Variants in PRCC observed in about 807,000 individuals in gnomAD.
PRCC encodes the protein proline rich mitotic checkpoint control factor.
In PRCC, 10 loss-of-function variants were observed where a neutral mutation model predicts 44.0. That is an observed-to-expected ratio of 0.23 (90% CI 0.14 to 0.39). PRCC has a LOEUF of 0.39. PRCC is among the 10% of genes least tolerant of loss of function. The pLI, the probability that PRCC is intolerant of heterozygous loss-of-function variation, is 1.00. For missense variants in PRCC, 573 were observed against 624.7 expected, an observed-to-expected ratio of 0.92 and a Z score of 0.88; for synonymous variants, 278 against 259.5, an observed-to-expected ratio of 1.07 and a Z score of -0.69.
intron 1 of PRCC, among the ~76,000 whole-genome samples, chr1:156,777,676 A>C (rs1457887606): frequency 6.6e-6 from 1 of 152,258 alleles, no homozygotes; most frequent in Non-Finnish European, 1.5e-5. Context: ...GAGTAGGCAC[A>C]AATGAACCTG....
intron 6 of PRCC, among the ~76,000 whole-genome samples, chr1:156,797,835 GTATT>G (rs1179306353): frequency 6.6e-6 from 1 of 152,138 alleles, no homozygotes; most frequent in African/African-American, 2.4e-5. Flanking sequence ...ATATGTCTTG[GTATT>G]TATTTAATAT....
At chr1:156,797,934 G>A (rs1286600422) in intron 6 of PRCC, among the ~76,000 whole-genome samples, 4 of 152,202 alleles carry the variant, frequency 2.6e-5, no homozygotes, top group Middle Eastern at 3.4e-3. Context: ...AAAAATCTGC[G>A]TATAACATTT....
At chr1:156,773,539 C>G (rs748293578) in intron 1 of PRCC, among the ~76,000 whole-genome samples, 6 of 152,078 alleles carry the variant, frequency 3.9e-5, no homozygotes, top group African/African-American at 1.5e-4. Context: ...TATTGTGGCC[C>G]GGGACACTCT....
Position 156,787,013 on chromosome 1 carries a change from C to G in PRCC, c.922C>G (p.Pro308Ala). 1 of 1,614,234 alleles carries G rather than the reference C, an allele frequency of 6.2e-7. No homozygotes were observed. Among genetic ancestry groups the G allele is most frequent in the Non-Finnish European group, 8.5e-7 (1 of 1,180,046 alleles). ...TGAAGAGCTGCCTCCAGGCACGGAA[C>G]CAGAGCCGGCTTTCCAGGACGATGC... Reference protein sequence around the residue: ...VPEELPPGTEPEPAFQDDAAN... With the variant: ...VPEELPPGTEAEPAFQDDAAN... Residue 308 changes from proline to alanine, a missense_variant, in exon 3 of 7, where the codon CCA (proline) becomes GCA (alanine). By Grantham distance (27) the Pro-to-Ala change is conservative (BLOSUM62 -1). Around this residue, in one of 4 missense-constraint regions of PRCC, gnomAD observed 141 missense variants for 130.2 expected, o/e 1.08. Transcript: ENST00000271526.
At chr1:156,786,422 A>G (rs1008450997) in intron 2 of PRCC, among the ~76,000 whole-genome samples, 186 bp from the exon 3 acceptor site, 1 of 152,202 alleles carries the variant, frequency 6.6e-6, no homozygotes, top group African/African-American at 2.4e-5. Context: ...GCCCGCAGAA[A>G]GGCCTGAAGT....
intron 1 of PRCC, among the ~76,000 whole-genome samples, chr1:156,779,416 T>G (rs903902162): frequency 2.6e-5 from 4 of 151,794 alleles, no homozygotes; most frequent in African/African-American, 9.7e-5. Flanking sequence ...CAGGCTGGAG[T>G]GTAGTGGCGC....
In PRCC at chr1:156,786,973, C is replaced by T. The variant is rs141949615; in HGVS notation, c.882C>T (p.Pro294=). The change falls in exon 3 of 7, where the codon CCC becomes CCT. Residue 294 remains proline, a synonymous_variant. Transcript: ENST00000271526. ...CTGGAGTTGAGCCATACCCTTACCC[C>T]ATCCCCACTGTCCCTGAAGAGCTGC... ...EPPGVEPYPY[P]IPTVPEELPP... is the part of the protein sequence containing the mutation. The T allele has an allele frequency of 2.5e-6, 4 of 1,614,110 alleles. No individual in the cohort carries two copies. The highest frequency in any genetic ancestry group is 1.1e-5 in the South Asian group (1 of 91,094).
chr1:156,790,348 C>G (rs557343916), intron 3 of PRCC, among the ~76,000 whole-genome samples: 5 of 152,194 alleles, frequency 3.3e-5, no homozygotes, highest in African/African-American at 1.2e-4. Context: ...ATAGGCTGGG[C>G]GTGGTGGCTC....
At chr1:156,776,109 A>G (rs1383168020) in intron 1 of PRCC, among the ~76,000 whole-genome samples, 8 of 152,222 alleles carry the variant, frequency 5.3e-5, no homozygotes, top group African/African-American at 1.9e-4. Context: ...CAATCCCAAC[A>G]CTTTGGGAGG....
intron 4 of PRCC, among the ~76,000 whole-genome samples, chr1:156,792,691 G>A (rs1337555999): frequency 1.3e-5 from 2 of 152,154 alleles, no homozygotes; most frequent in African/African-American, 4.8e-5. Context: ...CTGGCCTCAA[G>A]TGATCAGCCC....
chr1:156,783,193 C>T lies in PRCC; in HGVS notation c.516+864C>T, dbSNP rs373028329. ...GTGCTGGGATTACAGGTGTGAGCCA[C>T]CGCGCCTGGCCAGTCTGACTGTTGA... On this transcript the variant is annotated intron_variant, in intron 2 of 6. Coordinates refer to ENST00000271526, the MANE Select transcript of PRCC (RefSeq NM_005973.5). Among the ~76,000 whole-genome samples, 53 of 152,292 alleles carry T rather than the reference C, an allele frequency of 3.5e-4. No individual in the cohort carries two copies. In the East Asian group the frequency reaches 8.1e-3, roughly 23 times the overall value.
At chr1:156,782,414 G>A in intron 2 of PRCC, 85 bp downstream of exon 2, 2 of 1,314,232 alleles carry the variant, frequency 1.5e-6, no homozygotes, top group Non-Finnish European at 2.1e-6. Flanking sequence ...GCAGTTTTCA[G>A]ATTAGGCTTA....
rs1262687240 is a variant in PRCC at position 156,791,745 on chromosome 1, C to T, written c.1132C>T (p.Pro378Ser). The T allele has an allele frequency of 6.2e-7, 1 of 1,613,796 alleles. No individual in the cohort carries two copies. The highest frequency in any genetic ancestry group is 1.1e-5 in the South Asian group (1 of 91,042). Reference sequence around the variant, plus strand: ...TCCTGCACAGGACCCGGCCCTGGTCCCCCCCCAGGAAATTGCCCCAGATGC... The same window carrying T: ...TCCTGCACAGGACCCGGCCCTGGTCTCCCCCCAGGAAATTGCCCCAGATGC... ...YYPAQDPALVPPQEIAPDASF... is the reference protein window; with the variant it reads ...YYPAQDPALVSPQEIAPDASF... Residue 378 changes from proline to serine, a missense_variant, in exon 4 of 7, where the codon CCC becomes TCC. Around this residue, in one of 4 missense-constraint regions of PRCC, gnomAD observed 141 missense variants for 130.2 expected, o/e 1.08. Transcript: ENST00000271526.
In PRCC at chr1:156,800,370, A is replaced by G. The variant is rs747037147; in HGVS notation, c.1390-4A>G. 6.2e-7 allele frequency: 1 copy of G among 1,613,846 alleles called. No individual in the cohort carries two copies. The highest frequency in any genetic ancestry group is 1.3e-5 in the African/African-American group (1 of 74,908). ...CCCTCCCCTACCCTTCTTCCTTGCC[A>G]CAGGCCAAGGAGCGGGAGCTGGAAC... is the stretch of plus-strand genomic sequence containing the variant. On this transcript the variant is annotated splice_region_variant and splice_polypyrimidine_tract_variant and intron_variant, in intron 6 of 6. Coordinates refer to ENST00000271526, the MANE Select transcript of PRCC (RefSeq NM_005973.5).
chr1:156,775,585 A>T (rs1651798807), intron 1 of PRCC, among the ~76,000 whole-genome samples: 1 of 149,654 alleles, frequency 6.7e-6, no homozygotes, highest in Non-Finnish European at 1.5e-5. Context: ...ATCTCAGCTC[A>T]CTGCAACCGC....
intron 5 of PRCC, 133 bp downstream of exon 5, chr1:156,794,941 A>G (rs1412896444): frequency 2.6e-6 from 3 of 1,162,334 alleles, no homozygotes; most frequent in African/African-American, 3.1e-5. Context: ...TGCCCATGGT[A>G]CTGGAGTATG....
At chr1:156,787,228 G>A (rs1236123718) in intron 3 of PRCC, 54 bp downstream of exon 3, 2 of 1,532,242 alleles carry the variant, frequency 1.3e-6, no homozygotes, top group African/African-American at 2.8e-5. Flanking sequence ...TGGTGGTCAA[G>A]GAGAGCTTTG....
Position 156,800,644 on chromosome 1 carries a change from T to G in PRCC, c.*184T>G, listed in dbSNP as rs1652804600. 5.0e-6 allele frequency: 3 copies of G among 605,782 alleles called. No individual in the cohort carries two copies. The South Asian group carries it at 6.3e-5, about 13-fold the overall frequency. 37.5% of individuals were successfully genotyped at this position (605,782 alleles called of 1,614,324 possible). ...TAACAAGTTAGAAAATTCAGCTCCTTTCTGTCCTGGAGCTAGCAAAGACTT... is the reference window on the plus strand; with the variant it reads ...TAACAAGTTAGAAAATTCAGCTCCTGTCTGTCCTGGAGCTAGCAAAGACTT... On this transcript the variant is annotated 3_prime_UTR_variant, in exon 7 of 7. Transcript: ENST00000271526.
rs1331311509 is a variant in PRCC at position 156,786,948 on chromosome 1, C to T, written c.857C>T (p.Pro286Leu). 1 of 1,614,136 alleles carries T rather than the reference C, an allele frequency of 6.2e-7. No homozygotes were observed. Reference sequence around the variant, plus strand: ...TCCCTCCCTGAAAAGGCTGAGCCACCTGGAGTTGAGCCATACCCTTACCCC... The same window carrying T: ...TCCCTCCCTGAAAAGGCTGAGCCACTTGGAGTTGAGCCATACCCTTACCCC... Reference protein sequence around the residue: ...FFSLPEKAEPPGVEPYPYPIP... With the variant: ...FFSLPEKAEPLGVEPYPYPIP... Residue 286 changes from proline to leucine, a missense_variant, in exon 3 of 7, where the codon CCT (proline) becomes CTT (leucine). Physicochemically the swap from Pro to Leu is moderately conservative, Grantham distance 98. This residue lies in a region of PRCC where 141 missense variants were observed against 130.2 expected (regional missense o/e 1.08). Transcript: ENST00000271526.
Sources: gnomAD v4.1 joint callset for allele counts (sites outside exome capture counted in the v4.1 genomes callset) on GRCh38, gnomAD v4.1.1 for gene constraint, gnomAD v4.1.1 regional missense constraint, MANE v1.5 for transcripts, NCBI Gene and HGNC (gene_info 2026-07-23, HGNC 2026-07-21) for gene names.